Variants in ATP8A2 observed in about 807,000 individuals in gnomAD.
The protein encoded by ATP8A2 is phospholipid-transporting ATPase IB.
ATP8A2 carries 100 observed loss-of-function variants against 165.6 expected under a neutral mutation model. That is an observed-to-expected ratio of 0.60 (90% CI 0.51 to 0.71). The LOEUF (loss-of-function observed/expected upper bound fraction) is 0.71, where lower values mean the gene tolerates loss of function less well. Among genes scored for constraint, ATP8A2 ranks in the 30% least tolerant of loss-of-function variants. The probability of loss-of-function intolerance (pLI) is 0.00; values close to 1 mark genes in which losing one functional copy is unlikely to be tolerated. For missense variants in ATP8A2, 1,227 were observed against 1,479.5 expected, an observed-to-expected ratio of 0.83 and a Z score of 2.80; for synonymous variants, 543 against 548.8, an observed-to-expected ratio of 0.99 and a Z score of 0.15.
intron 24 of ATP8A2, among the ~76,000 whole-genome samples, chr13:25,635,648 A>T (rs1481518116): frequency 1.3e-5 from 2 of 152,220 alleles, no homozygotes; most frequent in Non-Finnish European, 2.9e-5. Context: ...GAGGCATCAG[A>T]CAGACTGGAA....
chr13:25,769,280 G>A, intron 26 of ATP8A2, 51 bp downstream of exon 26: 2 of 1,550,648 alleles, frequency 1.3e-6, no homozygotes, highest in Non-Finnish European at 1.7e-6. Context: ...GATGATAGCT[G>A]GGCATGAGGA....
rs368869730 is a variant in ATP8A2, at chr13:25,929,365, T to A, written c.3184-32210T>A. ...CAAGCAAGAGGAAAGGTGGCCCACA[T>A]GAGGGTGGCGGTGCTAAAGCACTGA... On this transcript the variant is annotated intron_variant, in intron 33 of 36. Transcript: ENST00000381655. Among the ~76,000 whole-genome samples the A allele has an allele frequency of 5.9e-5, 9 of 152,252 alleles. No individual in the cohort carries two copies. In the South Asian group the frequency reaches 8.3e-4, roughly 14 times the overall value.
At chr13:25,506,773 A>G (rs1311426939) in intron 2 of ATP8A2, among the ~76,000 whole-genome samples, 1 of 152,082 alleles carries the variant, frequency 6.6e-6, no homozygotes, top group Non-Finnish European at 1.5e-5. Flanking sequence ...ATTTTATACA[A>G]TATTTTAAAT....
intron 33 of ATP8A2, among the ~76,000 whole-genome samples, chr13:25,872,815 A>G (rs1054308348): frequency 6.6e-6 from 1 of 152,112 alleles, no homozygotes; most frequent in Admixed American, 6.5e-5. Flanking sequence ...TTATTGATAT[A>G]TTTTATTTAG....
At chr13:25,886,660 C>T (rs1461610536) in intron 33 of ATP8A2, among the ~76,000 whole-genome samples, 1 of 152,236 alleles carries the variant, frequency 6.6e-6, no homozygotes, top group Non-Finnish European at 1.5e-5. Flanking sequence ...AGGCCCACTC[C>T]ATGGAAATCT....
intron 35 of ATP8A2, among the ~76,000 whole-genome samples, chr13:25,980,656 T>C (rs1956156245): frequency 6.6e-6 from 1 of 152,176 alleles, no homozygotes; most frequent in Non-Finnish European, 1.5e-5. Flanking sequence ...TTTTAGAATG[T>C]GTGATTACCA....
rs1272353101 is a variant in ATP8A2, at chr13:25,914,576, A to G, written c.3184-46999A>G. 2.0e-5 allele frequency among the ~76,000 whole-genome samples: 3 copies of G among 152,172 alleles called. No individual in the cohort carries two copies. In the East Asian group the frequency reaches 5.8e-4, roughly 29 times the overall value. Reference sequence around the variant, plus strand: ...TCCATCCCTCCTCTCCTTCACCAGTATGTCTTCAAATCCACATTCTCAATG... The same window carrying G: ...TCCATCCCTCCTCTCCTTCACCAGTGTGTCTTCAAATCCACATTCTCAATG... On this transcript the variant is annotated intron_variant, in intron 33 of 36. Coordinates refer to ENST00000381655, the MANE Select transcript of ATP8A2 (RefSeq NM_016529.6).
At chr13:25,842,833 G>A (rs1326030645) in intron 30 of ATP8A2, among the ~76,000 whole-genome samples, 1 of 152,172 alleles carries the variant, frequency 6.6e-6, no homozygotes, top group African/African-American at 2.4e-5. Flanking sequence ...GCATTGAAGG[G>A]TCAGTGTAGA....
At chr13:25,813,382 T>TATGTGATATG (rs1950925926) in intron 27 of ATP8A2, among the ~76,000 whole-genome samples, 1 of 147,116 alleles carries the variant, frequency 6.8e-6, no homozygotes, top group Non-Finnish European at 1.5e-5. Context: ...AGGATGATGA[T>TATGTGATATG]ATATGATATG....
At chr13:25,450,274 G>T (rs2035176838) in intron 1 of ATP8A2, among the ~76,000 whole-genome samples, 1 of 152,128 alleles carries the variant, frequency 6.6e-6, no homozygotes, top group African/African-American at 2.4e-5. Context: ...GAACAGTGCT[G>T]CAATGAACAT....
At chr13:25,983,918 G>A (rs751818287) in intron 35 of ATP8A2, among the ~76,000 whole-genome samples, 2 of 152,108 alleles carry the variant, frequency 1.3e-5, no homozygotes, top group Non-Finnish European at 2.9e-5. Flanking sequence ...CAGGGGACGA[G>A]AATGACACAG....
intron 30 of ATP8A2, among the ~76,000 whole-genome samples, chr13:25,859,468 A>T (rs190110033): frequency 3.8e-4 from 58 of 152,314 alleles, no homozygotes; most frequent in Admixed American, 5.2e-4. Context: ...CAGGATAAAA[A>T]ACAGACTTCT....
chr13:25,772,763 ATTTT>A lies in ATP8A2; in HGVS notation c.2569-2081_2569-2078del, dbSNP rs1007993940. 1.2e-3 allele frequency among the ~76,000 whole-genome samples: 176 copies of A among 148,870 alleles called. 1 individual carries two copies. The highest frequency in any genetic ancestry group is 4.1e-3 in the African/African-American group (167 of 40,750). ...TTATTTATTTATTTATTTATTTATT[ATTTT>A]TTTTATTCAGAGTTTCACTCATGTT... On this transcript the variant is annotated intron_variant, in intron 26 of 36. Coordinates refer to ENST00000381655, the MANE Select transcript of ATP8A2 (RefSeq NM_016529.6).
At chr13:25,835,516 C>T (rs1047790696) in intron 28 of ATP8A2, among the ~76,000 whole-genome samples, 18 of 152,150 alleles carry the variant, frequency 1.2e-4, no homozygotes, top group Admixed American at 3.9e-4. Context: ...TACAGACACA[C>T]GTCCAATTCC....
At chr13:25,691,938 G>C (rs1022112266) in intron 24 of ATP8A2, among the ~76,000 whole-genome samples, 1 of 152,152 alleles carries the variant, frequency 6.6e-6, no homozygotes, top group Middle Eastern at 3.2e-3. Flanking sequence ...AAATACAAAA[G>C]CATGGAGAGC....
intron 25 of ATP8A2, among the ~76,000 whole-genome samples, chr13:25,751,582 G>A (rs1224988908): frequency 2.0e-5 from 3 of 152,012 alleles, no homozygotes; most frequent in African/African-American, 2.4e-5. Context: ...GACTACAGGC[G>A]TGATTGCCAT....
chr13:25,951,302 A>G (rs994590142), intron 33 of ATP8A2, among the ~76,000 whole-genome samples: 76 of 152,364 alleles, frequency 5.0e-4, no homozygotes, highest in African/African-American at 1.8e-3. Context: ...ATACGATTCC[A>G]AAACTAAAAA....
chr13:25,630,079 C>CG (rs905203759), intron 24 of ATP8A2, among the ~76,000 whole-genome samples: 1 of 142,832 alleles, frequency 7.0e-6, no homozygotes, highest in African/African-American at 2.6e-5. Context: ...ACCTTTTTGT[C>CG]CCCCCCCCAC....
intron 25 of ATP8A2, among the ~76,000 whole-genome samples, chr13:25,740,377 T>G (rs2043885336): frequency 6.6e-6 from 1 of 152,052 alleles, no homozygotes; most frequent in Admixed American, 6.6e-5. Context: ...CAGTGTTTAT[T>G]TTTCATTTCC....
Sources: gnomAD v4.1 joint callset for allele counts (sites outside exome capture counted in the v4.1 genomes callset) on GRCh38, gnomAD v4.1.1 for gene constraint, MANE v1.5 for transcripts, NCBI Gene and HGNC (gene_info 2026-07-23, HGNC 2026-07-21) for gene names.